HTR2C: variants seen among roughly 807,000 people sequenced by gnomAD.
The protein encoded by HTR2C is 5-hydroxytryptamine receptor 2C.
Under a neutral mutation model 21.0 loss-of-function variants are expected in HTR2C, and 5 were observed. That is an observed-to-expected ratio of 0.24 (90% CI 0.12 to 0.50). The LOEUF (loss-of-function observed/expected upper bound fraction) is 0.50. Among genes scored for constraint, HTR2C ranks in the 20% least tolerant of loss-of-function variants. HTR2C has a pLI of 0.98. For synonymous variants in HTR2C, 150 were observed against 145.3 expected (o/e 1.03, Z -0.23); for missense variants, 271 against 371.2 (o/e 0.73, Z 2.22).
intron 5 of HTR2C, among the ~76,000 whole-genome samples, chrX:114,896,651 T>C (rs1264811330): frequency 2.7e-5 from 3 of 112,376 alleles, no homozygotes; most frequent in Non-Finnish European, 5.6e-5. Context: ...GACAATAATA[T>C]AGCCATGCTA....
At chrX:114,868,760 C>T (rs1468004588) in intron 5 of HTR2C, among the ~76,000 whole-genome samples, 2 of 111,657 alleles carry the variant, frequency 1.8e-5, no homozygotes, top group African/African-American at 3.3e-5. Flanking sequence ...TCCAAAAAGG[C>T]TGTGATACTT....
At chrX:114,676,184 A>T (rs1009232535) in intron 2 of HTR2C, among the ~76,000 whole-genome samples, 6 of 111,494 alleles carry the variant, frequency 5.4e-5, no homozygotes, top group South Asian at 3.7e-4. Context: ...AGACTTTTTG[A>T]TAACCATATC....
intron 4 of HTR2C, among the ~76,000 whole-genome samples, chrX:114,815,275 A>G (rs1379017409): frequency 9.0e-6 from 1 of 110,691 alleles, no homozygotes; most frequent in Non-Finnish European, 1.9e-5. Flanking sequence ...GACTAGAAAG[A>G]GATACTGCTA....
At position 114,634,050 on chromosome X, in the gene HTR2C, C is replaced by T; in HGVS notation, c.-80+20169C>T. On this transcript the variant is annotated intron_variant, in intron 2 of 5. Coordinates refer to ENST00000276198, the MANE Select transcript of HTR2C (RefSeq NM_000868.4). ...GTGTATGAATCTATAATAGAAGGTACTTGTTTCCCTTACTACTTCCTCCAT... is the reference window on the plus strand; with the variant it reads ...GTGTATGAATCTATAATAGAAGGTATTTGTTTCCCTTACTACTTCCTCCAT... Among the ~76,000 whole-genome samples the T allele has an allele frequency of 3.7e-5, 4 of 108,979 alleles. 1 individual carries two copies. The Middle Eastern group carries it at 0.02, about 553-fold the overall frequency. The allele number at this position is 108,979 out of a possible 115,157, so 94.6% of individuals were successfully genotyped here. A position where few individuals can be genotyped will look rare whatever the true frequency, so the allele number is the denominator to read the frequency against.
intron 4 of HTR2C, among the ~76,000 whole-genome samples, chrX:114,808,109 C>T (rs782267550): frequency 2.7e-5 from 3 of 110,540 alleles, no homozygotes; most frequent in Admixed American, 2.0e-4. Flanking sequence ...TCTCTCTCCC[C>T]TCCCCCAAAC....
At chrX:114,872,295 CA>C (rs1253466403) in intron 5 of HTR2C, among the ~76,000 whole-genome samples, 2 of 70,915 alleles carry the variant, frequency 2.8e-5, no homozygotes, top group Non-Finnish European at 5.8e-5. Context: ...TTTCTATTCT[CA>C]AATTTATTCA....
At chrX:114,810,261 A>G (rs923601129) in intron 4 of HTR2C, among the ~76,000 whole-genome samples, 1 of 111,192 alleles carries the variant, frequency 9.0e-6, no homozygotes, top group African/African-American at 3.3e-5. Flanking sequence ...GGTGATGCAA[A>G]CATTCCCTTG....
intron 1 of HTR2C, among the ~76,000 whole-genome samples, chrX:114,605,342 G>T (rs1388955263): frequency 2.7e-5 from 3 of 109,915 alleles, no homozygotes; most frequent in African/African-American, 1.0e-4. Flanking sequence ...ACCTAGCTCG[G>T]CATGGCGAGG....
chrX:114,675,676 T>C (rs190873206), intron 2 of HTR2C, among the ~76,000 whole-genome samples: 220 of 111,864 alleles, frequency 2.0e-3, no homozygotes, highest in Non-Finnish European at 3.3e-3. Context: ...ACTGAAATAA[T>C]GACTCATCAT....
At chrX:114,734,966 C>A (rs782253801) in intron 4 of HTR2C, among the ~76,000 whole-genome samples, 46 of 111,301 alleles carry the variant, frequency 4.1e-4, no homozygotes, top group African/African-American at 1.4e-3. Context: ...AAGTTTAAGT[C>A]TTTTAAAATT....
chrX:114,693,653 C>T (rs782464938), intron 2 of HTR2C, among the ~76,000 whole-genome samples: 119 of 111,054 alleles, frequency 1.1e-3, no homozygotes, highest in African/African-American at 3.4e-3. Flanking sequence ...CAATTATGAA[C>T]GGCATTAATG....
chrX:114,708,379 T>G (rs1379362933), intron 2 of HTR2C, among the ~76,000 whole-genome samples: 1 of 112,299 alleles, frequency 8.9e-6, no homozygotes, highest in East Asian at 2.8e-4. Flanking sequence ...GAACCCAAAG[T>G]TCTATGCTCC....
chrX:114,670,475 A>T (rs781795091), intron 2 of HTR2C, among the ~76,000 whole-genome samples: 4 of 110,913 alleles, frequency 3.6e-5, no homozygotes, highest in Non-Finnish European at 7.5e-5. Context: ...TTTTGTCCTC[A>T]GAAAATCGTC....
chrX:114,899,857 G>A (rs2071324798), intron 5 of HTR2C, among the ~76,000 whole-genome samples: 1 of 111,083 alleles, frequency 9.0e-6, no homozygotes, highest in Non-Finnish European at 1.9e-5. Flanking sequence ...AGTTCTGTTG[G>A]CAACAAATTC....
intron 5 of HTR2C, among the ~76,000 whole-genome samples, chrX:114,865,355 T>C (rs1161719717): frequency 8.9e-6 from 1 of 112,301 alleles, no homozygotes; most frequent in African/African-American, 3.2e-5. Context: ...TGTACAATTC[T>C]GTAGGTGGGC....
rs782398344 is a variant in HTR2C at position 114,727,020 on chromosome X, G to T, written c.35+49G>T. 5 of 765,367 alleles carry T rather than the reference G, an allele frequency of 6.5e-6. No homozygotes were observed. The South Asian group carries it at 1.6e-4, about 25-fold the overall frequency. The allele number at this position is 765,367 out of a possible 1,213,427, so 63.1% of individuals were successfully genotyped here. A position where few individuals can be genotyped will look rare whatever the true frequency, so the allele number is the denominator to read the frequency against. On this transcript the variant is annotated intron_variant, in intron 3 of 5. Coordinates refer to ENST00000276198, the MANE Select transcript of HTR2C (RefSeq NM_000868.4). ...TTTAGTAAAAAGATAACTTTGCTTG[G>T]TAGCTTGCTCAACATGTTAAAAAAA...
intron 4 of HTR2C, among the ~76,000 whole-genome samples, chrX:114,838,515 G>A (rs1339869233): frequency 2.7e-5 from 3 of 112,198 alleles, no homozygotes; most frequent in African/African-American, 9.7e-5. Flanking sequence ...CAGAAGAGCT[G>A]AAAGATTAAT....
chrX:114,715,187 C>T (rs781932696), intron 2 of HTR2C: 1 of 316,782 alleles, frequency 3.2e-6, no homozygotes, highest in Non-Finnish European at 6.5e-6. Flanking sequence ...GTTTCTTTCC[C>T]CTTTATATAG....
At chrX:114,768,296 T>C (rs2069965702) in intron 4 of HTR2C, among the ~76,000 whole-genome samples, 1 of 111,110 alleles carries the variant, frequency 9.0e-6, no homozygotes, top group African/African-American at 3.2e-5. Context: ...ACTTAGCATC[T>C]GCTTCACAGG....
Sources: gnomAD v4.1 joint callset for allele counts (sites outside exome capture counted in the v4.1 genomes callset) on GRCh38, gnomAD v4.1.1 for gene constraint, MANE v1.5 for transcripts, NCBI Gene and HGNC (gene_info 2026-07-23, HGNC 2026-07-21) for gene names.